Variants in PATJ observed in about 807,000 individuals in gnomAD.
PATJ encodes inaD-like protein.
In PATJ, 190 loss-of-function variants were observed where a neutral mutation model predicts 224.9. The observed-to-expected ratio is 0.84, with a 90% CI of 0.75 to 0.95. The LOEUF (loss-of-function observed/expected upper bound fraction) is 0.95, where lower values mean the gene tolerates loss of function less well. Ranked by LOEUF, PATJ falls within the 40% of genes least tolerant of loss-of-function variation. The pLI is 0.00. For missense variants in PATJ, 2,121 were observed against 2,270.3 expected, an observed-to-expected ratio of 0.93 and a Z score of 1.34; for synonymous variants, 769 against 820.3, an observed-to-expected ratio of 0.94 and a Z score of 1.07.
intron 41 of PATJ, among the ~76,000 whole-genome samples, chr1:62,134,157 C>G (rs968918604): frequency 1.3e-5 from 2 of 151,612 alleles, no homozygotes; most frequent in African/African-American, 4.8e-5. Flanking sequence ...AAAGGTCTCC[C>G]CACGTTATTC....
chr1:62,032,444 A>T (rs1271358273), intron 29 of PATJ, among the ~76,000 whole-genome samples: 1 of 152,236 alleles, frequency 6.6e-6, no homozygotes, highest in Non-Finnish European at 1.5e-5. Flanking sequence ...GGTCAGGTCC[A>T]AACTGATAAT....
chr1:62,023,851 TATC>T, intron 29 of PATJ, among the ~76,000 whole-genome samples: 1 of 152,334 alleles, frequency 6.6e-6, no homozygotes, highest in East Asian at 1.9e-4. Context: ...AGATGGCTCT[TATC>T]ATTTTGAGGT....
chr1:62,095,288 G>A (rs1419565252), intron 33 of PATJ, among the ~76,000 whole-genome samples: 1 of 152,178 alleles, frequency 6.6e-6, no homozygotes, highest in East Asian at 1.9e-4. Flanking sequence ...GGTCCTGCAT[G>A]CTCTTGTGAG....
intron 14 of PATJ, 136 bp from the exon 15 acceptor site, chr1:61,822,809 A>G (rs2148722922): frequency 1.0e-6 from 1 of 976,724 alleles, no homozygotes; most frequent in Non-Finnish European, 1.5e-6. Context: ...TAATTTTCCT[A>G]TTATTGTCCT....
At chr1:61,914,102 T>G (rs2499006) in intron 25 of PATJ, among the ~76,000 whole-genome samples, 7 of 152,080 alleles carry the variant, frequency 4.6e-5, no homozygotes, top group Admixed American at 4.6e-4. Context: ...TCTCATACTT[T>G]TACTCTTTAG....
Position 61,908,261 on chromosome 1 carries a change from TC to T in PATJ, c.3382-110del, listed in dbSNP as rs1672127371. On this transcript the variant is annotated intron_variant, in intron 24 of 43. Coordinates refer to ENST00000642238, the MANE Select transcript of PATJ (RefSeq NM_001350145.3). ...ATCTTATTTTTTTCTGACCGTCTAC[TC>T]ATTAGACTCTGGTTGTTCTTATAAC... is the stretch of plus-strand genomic sequence containing the variant. 4 of 690,650 alleles carry T rather than the reference TC, an allele frequency of 5.8e-6. No homozygotes were observed. In the South Asian group the frequency reaches 7.5e-5, roughly 13 times the overall value. The allele number at this position is 690,650 out of a possible 1,614,324, so 42.8% of individuals were successfully genotyped here. A position where few individuals can be genotyped will look rare whatever the true frequency, so the allele number is the denominator to read the frequency against.
intron 17 of PATJ, among the ~76,000 whole-genome samples, chr1:61,847,911 A>G (rs1410588644): frequency 6.6e-6 from 1 of 151,356 alleles, no homozygotes; most frequent in Admixed American, 6.6e-5. Context: ...TTATCAAAAA[A>G]GGAGACATGC....
intron 14 of PATJ, 48 bp from the exon 15 acceptor site, chr1:61,822,897 C>G: frequency 6.2e-7 from 1 of 1,606,946 alleles, no homozygotes; most frequent in Non-Finnish European, 8.5e-7. Context: ...GATGAATAGC[C>G]GGATGTGTCA....
At chr1:61,894,407 G>T (rs1670072631) in intron 22 of PATJ, among the ~76,000 whole-genome samples, 1 of 152,132 alleles carries the variant, frequency 6.6e-6, no homozygotes, top group Non-Finnish European at 1.5e-5. Flanking sequence ...ATCTCAAATT[G>T]TAATCCCCAT....
intron 29 of PATJ, among the ~76,000 whole-genome samples, chr1:62,034,399 C>T (rs1231741945): frequency 2.0e-5 from 3 of 147,528 alleles, no homozygotes; most frequent in East Asian, 4.1e-4. Context: ...GCCGAGATCG[C>T]GCCACTGCAC....
At chr1:61,976,128 C>G (rs1644115955) in intron 27 of PATJ, among the ~76,000 whole-genome samples, 1 of 151,946 alleles carries the variant, frequency 6.6e-6, no homozygotes, top group Non-Finnish European at 1.5e-5. Flanking sequence ...TGTTCCATGT[C>G]TCGCCTTAAA....
intron 27 of PATJ, among the ~76,000 whole-genome samples, chr1:61,975,847 T>C (rs1013027594): frequency 1.3e-5 from 2 of 152,108 alleles, no homozygotes; most frequent in African/African-American, 4.8e-5. Flanking sequence ...TCTCACCTGC[T>C]TGTGTTTCAC....
At chr1:62,112,531 A>T (rs1209415861) in intron 34 of PATJ, among the ~76,000 whole-genome samples, 4 of 152,096 alleles carry the variant, frequency 2.6e-5, no homozygotes, top group African/African-American at 9.7e-5. Flanking sequence ...AAAGCCTTAG[A>T]CCATTGCTTC....
At chr1:61,861,927 T>C (rs1478608939) in intron 19 of PATJ, among the ~76,000 whole-genome samples, 2 of 152,168 alleles carry the variant, frequency 1.3e-5, no homozygotes, top group African/African-American at 2.4e-5. Flanking sequence ...AGTGGTGGGA[T>C]CTGGGATCTC....
chr1:61,814,341 C>T (rs1032446179), intron 14 of PATJ, among the ~76,000 whole-genome samples: 5 of 152,018 alleles, frequency 3.3e-5, no homozygotes, highest in Admixed American at 1.3e-4. Context: ...CGGGATTTCA[C>T]CTTGTTGGCC....
intron 37 of PATJ, 75 bp from the exon 38 acceptor site, chr1:62,121,106 C>T: frequency 1.1e-6 from 1 of 900,288 alleles, no homozygotes; most frequent in Non-Finnish European, 1.8e-6. Flanking sequence ...GTAATTGGCA[C>T]ACTAATGGAT....
At chr1:61,869,294 G>C (rs189347552) in intron 20 of PATJ, among the ~76,000 whole-genome samples, 1 of 151,606 alleles carries the variant, frequency 6.6e-6, no homozygotes, top group African/African-American at 2.4e-5. Flanking sequence ...TTTTAGTAGA[G>C]ACGGGGTTTC....
At chr1:62,061,442 A>G (rs1374754896) in intron 31 of PATJ, among the ~76,000 whole-genome samples, 1 of 152,054 alleles carries the variant, frequency 6.6e-6, no homozygotes, top group East Asian at 1.9e-4. Flanking sequence ...TCGGCATCCC[A>G]AAGTGCTGGG....
At chr1:62,141,440 C>T (rs896380223) in intron 41 of PATJ, among the ~76,000 whole-genome samples, 1 of 152,054 alleles carries the variant, frequency 6.6e-6, no homozygotes. Flanking sequence ...TTTGGGAGGC[C>T]GAGATGGCCA....
Sources: allele counts gnomAD v4.1 joint callset (sites outside exome capture counted in the v4.1 genomes callset), GRCh38; gene constraint gnomAD v4.1.1; transcripts MANE v1.5; gene names NCBI Gene and HGNC (gene_info 2026-07-23, HGNC 2026-07-21).